The following RARB variants were observed in gnomAD, a reference collection of about 807,000 sequenced individuals.
RARB encodes the protein HBV-activated protein.
In RARB, 17 loss-of-function variants were observed where a neutral mutation model predicts 51.9. That is an observed-to-expected ratio of 0.33 (90% confidence interval 0.22 to 0.49). The LOEUF is 0.49. RARB is among the 20% of genes least tolerant of loss of function. The pLI, the probability that RARB is intolerant of heterozygous loss-of-function variation, is 0.99. For missense variants in RARB, 369 were observed against 550.8 expected, an observed-to-expected ratio of 0.67 and a Z score of 3.30; for synonymous variants, 215 against 195.4, an observed-to-expected ratio of 1.10 and a Z score of -0.84.
At chr3:25,269,466 G>A (rs1445593582) in intron 5 of RARB, among the ~76,000 whole-genome samples, 1 of 152,084 alleles carries the variant, frequency 6.6e-6, no homozygotes, top group East Asian at 1.9e-4. Flanking sequence ...GCATGACCTT[G>A]GGCAAGTTAC....
At chr3:25,360,778 C>CT (rs1705907788) in intron 5 of RARB, among the ~76,000 whole-genome samples, 1 of 152,076 alleles carries the variant, frequency 6.6e-6, no homozygotes, top group African/African-American at 2.4e-5. Context: ...GTTGAAAATT[C>CT]TTTTTTTAAG....
At chr3:24,944,588 G>A (rs114989499) in intron 2 of RARB, among the ~76,000 whole-genome samples, 12 of 152,304 alleles carry the variant, frequency 7.9e-5, no homozygotes, top group African/African-American at 2.9e-4. Flanking sequence ...CCCTGTGCCT[G>A]TCATTCAGTC....
At chr3:24,883,989 C>T (rs754590407) in intron 2 of RARB, among the ~76,000 whole-genome samples, 36 of 152,156 alleles carry the variant, frequency 2.4e-4, no homozygotes, top group Non-Finnish European at 4.9e-4. Flanking sequence ...TTGTTTCTCC[C>T]ATCTAAATAG....
intron 3 of RARB, among the ~76,000 whole-genome samples, chr3:25,554,276 T>G (rs1699964493): frequency 6.6e-6 from 1 of 151,590 alleles, no homozygotes; most frequent in African/African-American, 2.4e-5. Context: ...TTAATTGTTT[T>G]ATTTTTTGTT....
intron 5 of RARB, among the ~76,000 whole-genome samples, chr3:25,221,641 G>A (rs940993053): frequency 4.8e-5 from 7 of 144,784 alleles, no homozygotes; most frequent in Admixed American, 1.4e-4. Flanking sequence ...ATAATATACC[G>A]TTTCTGGCAG....
At chr3:25,150,692 CT>C (rs999102393) in intron 4 of RARB, among the ~76,000 whole-genome samples, 12 of 152,146 alleles carry the variant, frequency 7.9e-5, no homozygotes, top group African/African-American at 2.9e-4. Flanking sequence ...TCACAATGAT[CT>C]TTTTAAACAG....
intron 4 of RARB, among the ~76,000 whole-genome samples, chr3:25,154,500 G>A (rs1460046941): frequency 6.6e-6 from 1 of 152,156 alleles, no homozygotes; most frequent in African/African-American, 2.4e-5. Context: ...ATAGTCTCCT[G>A]GCTGGTTGTC....
chr3:25,412,958 G>A (rs1707604837), intron 5 of RARB, among the ~76,000 whole-genome samples: 1 of 152,020 alleles, frequency 6.6e-6, no homozygotes, highest in Non-Finnish European at 1.5e-5. Flanking sequence ...GGCGGAGGTT[G>A]TGGTGAGCCG....
intron 3 of RARB, among the ~76,000 whole-genome samples, chr3:25,105,066 ATT>A (rs2125322792): frequency 6.6e-6 from 1 of 152,344 alleles, no homozygotes; most frequent in Admixed American, 6.5e-5. Flanking sequence ...AGCATAAAAT[ATT>A]TTAAAAATTC....
At chr3:25,447,122 G>A (rs750391119) in intron 1 of RARB, among the ~76,000 whole-genome samples, 2 of 152,152 alleles carry the variant, frequency 1.3e-5, no homozygotes, top group Non-Finnish European at 2.9e-5. Flanking sequence ...GTTGTCCCCC[G>A]CCATATAAAG....
intron 5 of RARB, among the ~76,000 whole-genome samples, chr3:25,413,611 T>A (rs1575382835): frequency 6.6e-6 from 1 of 152,180 alleles, no homozygotes; most frequent in Non-Finnish European, 1.5e-5. Flanking sequence ...TATATGAAAA[T>A]TTAGATTTCT....
At chr3:25,487,703 T>C (rs926528084) in intron 2 of RARB, among the ~76,000 whole-genome samples, 1 of 152,210 alleles carries the variant, frequency 6.6e-6, no homozygotes, top group Non-Finnish European at 1.5e-5. Flanking sequence ...ACACATTAAT[T>C]CAGAATCTCC....
intron 2 of RARB, among the ~76,000 whole-genome samples, chr3:24,948,558 T>G (rs923357700): frequency 2.0e-5 from 3 of 152,286 alleles, no homozygotes; most frequent in African/African-American, 4.8e-5. Context: ...CATGTTGTGA[T>G]TGAGTGTTAT....
intron 5 of RARB, among the ~76,000 whole-genome samples, chr3:25,335,894 G>A (rs193216740): frequency 1.2e-3 from 182 of 152,258 alleles, no homozygotes; most frequent in African/African-American, 4.2e-3. Context: ...TAATTTAGTA[G>A]TATAGCCATA....
chr3:25,254,705 G>T (rs1374572888), intron 5 of RARB, among the ~76,000 whole-genome samples: 2 of 152,092 alleles, frequency 1.3e-5, no homozygotes, highest in African/African-American at 2.4e-5. Flanking sequence ...TGGATGACTT[G>T]GTCGGTCAGA....
rs566936071 is a variant in RARB at position 25,094,591 on chromosome 3, G to A, written c.-328+34415G>A. Among the ~76,000 whole-genome samples the A allele has an allele frequency of 2.9e-4, 44 of 151,796 alleles. No homozygotes were observed. The South Asian group carries it at 8.4e-3, about 29-fold the overall frequency. ...AAATTAGCCAGGTGTGATGGCATGC[G>A]CCTGTGGTCCCAGCTATTCAGGAGG... On this transcript the variant is annotated intron_variant, in intron 3 of 11. Coordinates refer to the RARB transcript ENST00000383772.
intron 4 of RARB, among the ~76,000 whole-genome samples, chr3:25,153,024 G>T (rs1178036532): frequency 2.0e-5 from 3 of 152,110 alleles, no homozygotes; most frequent in Non-Finnish European, 4.4e-5. Flanking sequence ...CAGGGGAAAA[G>T]GACAGAATAA....
intron 2 of RARB, among the ~76,000 whole-genome samples, chr3:24,912,514 G>C (rs1344933698): frequency 6.6e-6 from 1 of 152,122 alleles, no homozygotes; most frequent in African/African-American, 2.4e-5. Flanking sequence ...TGGCCCTGTA[G>C]GGAGAATAGA....
At chr3:24,952,853 A>G (rs981879984) in intron 2 of RARB, among the ~76,000 whole-genome samples, 3 of 151,532 alleles carry the variant, frequency 2.0e-5, no homozygotes, top group African/African-American at 7.3e-5. Context: ...AAAAGGTAAC[A>G]ACCCCCAACA....
Sources: gnomAD v4.1 joint callset for allele counts (sites outside exome capture counted in the v4.1 genomes callset) on GRCh38, gnomAD v4.1.1 for gene constraint, MANE v1.5 for transcripts, NCBI Gene and HGNC (gene_info 2026-07-23, HGNC 2026-07-21) for gene names.